Variants in ZNF331 observed in about 807,000 individuals in gnomAD.
The protein encoded by ZNF331 is zinc finger protein 331.
In ZNF331, 2 loss-of-function variants were observed where a neutral mutation model predicts 7.0. The ratio of observed to expected loss-of-function variants is 0.29; its 90% CI spans 0.12 to 0.90. The LOEUF is 0.90. ZNF331 is among the 40% of genes least tolerant of loss of function. The pLI is 0.58. For synonymous variants in ZNF331, 196 were observed against 205.4 expected (o/e 0.95, Z 0.39); for missense variants, 432 against 587.7 (o/e 0.74, Z 2.74).
At chr19:53,506,794 C>T in the ZNF331 span, among the ~76,000 whole-genome samples, 7 of 152,134 alleles carry the variant, frequency 4.6e-5, no homozygotes, top group African/African-American at 1.4e-4. Flanking sequence ...TTTTGGGCTT[C>T]GTGTCCCTAT....
In ZNF331 at chr19:53,577,151, A is replaced by T. The variant is rs764121342; in HGVS notation, c.591A>T (p.Arg197=). The T allele has an allele frequency of 6.2e-7, 1 of 1,607,816 alleles. No individual in the cohort carries two copies. Among genetic ancestry groups the T allele is most frequent in the South Asian group, 1.1e-5 (1 of 90,784 alleles). The part of the protein sequence containing the change: ...YECKDCGKAF[R]WGSSLVIHKR... ...GTAAAGACTGTGGGAAGGCTTTTCG[A>T]TGGGGCTCAAGCCTCGTTATTCATA... is the stretch of plus-strand genomic sequence containing the variant. The change falls in exon 6 of 6, where the codon CGA becomes CGT. Residue 197 remains arginine (R), a synonymous_variant. Coordinates refer to ENST00000449416, the MANE Select transcript of ZNF331 (RefSeq NM_001079906.2).
At chr19:53,508,346 C>T in the ZNF331 span, among the ~76,000 whole-genome samples, 1 of 152,134 alleles carries the variant, frequency 6.6e-6, no homozygotes, top group African/African-American at 2.4e-5. Context: ...ACCACGTGAC[C>T]CTTGAAACTC....
chr19:53,557,262 C>G (rs1379758977), intron 3 of ZNF331, among the ~76,000 whole-genome samples: 1 of 152,122 alleles, frequency 6.6e-6, no homozygotes, highest in Non-Finnish European at 1.5e-5. Flanking sequence ...CCGGCCACAG[C>G]AAGCATTTAT....
rs2090867936 is a variant in ZNF331, at chr19:53,580,067, A to C, written c.*2115A>C. The stretch of plus-strand genomic sequence containing the variant: ...CTCTAGACAGTCACCAGGATGATTA[A>C]ATTTAAATCACAATAACAAGGCTGA... On this transcript the variant is annotated 3_prime_UTR_variant, in exon 6 of 6. Coordinates refer to ENST00000449416, the MANE Select transcript of ZNF331 (RefSeq NM_001079906.2). The C allele has an allele frequency of 4.7e-6, 1 of 211,058 alleles. No individual in the cohort carries two copies. Among genetic ancestry groups the C allele is most frequent in the Non-Finnish European group, 9.6e-6 (1 of 104,254 alleles). 13.1% of individuals were successfully genotyped at this position (211,058 alleles called of 1,614,324 possible).
At position 53,571,434 on chromosome 19, in the gene ZNF331, G is replaced by C. The variant is rs538484701; in HGVS notation, c.10-170G>C. On this transcript the variant is annotated intron_variant, in intron 4 of 5. Coordinates refer to ENST00000449416, the MANE Select transcript of ZNF331 (RefSeq NM_001079906.2). The surrounding 1 kb of genome is among the most constrained non-coding windows in gnomAD (Gnocchi z 4.7). ...GGTAGAGCTCTTCAGTGACATGCAGGCATTCTGCTTCCGTCACAGTTACAG... is the reference window on the plus strand; with the variant it reads ...GGTAGAGCTCTTCAGTGACATGCAGCCATTCTGCTTCCGTCACAGTTACAG... 8.3e-4 allele frequency among the ~76,000 whole-genome samples: 127 copies of C among 152,232 alleles called. No homozygotes were observed. Among genetic ancestry groups the C allele is most frequent in the African/African-American group, 2.7e-3 (112 of 41,570 alleles).
At position 53,542,525 on chromosome 19, in the gene ZNF331, T is replaced by C. The variant is rs115472138; in HGVS notation, c.-138+3243T>C. ...AAAAGAATTAGATGACAGTATCTCATATGTATCTCCCTTATCCCGTGGAAC... is the reference window on the plus strand; with the variant it reads ...AAAAGAATTAGATGACAGTATCTCACATGTATCTCCCTTATCCCGTGGAAC... On this transcript the variant is annotated intron_variant, in intron 2 of 5. Coordinates refer to ENST00000449416, the MANE Select transcript of ZNF331 (RefSeq NM_001079906.2). 2.3e-3 allele frequency among the ~76,000 whole-genome samples: 357 copies of C among 152,336 alleles called. 1 individual carries two copies. Among genetic ancestry groups the C allele is most frequent in the African/African-American group, 8.3e-3 (344 of 41,576 alleles).
intron 4 of ZNF331, among the ~76,000 whole-genome samples, chr19:53,570,923 C>A (rs1321425598): frequency 2.0e-5 from 3 of 149,508 alleles, no homozygotes; most frequent in Admixed American, 1.3e-4. Context: ...GTGCCACAAT[C>A]TCCGCTCACT....
the ZNF331 span, among the ~76,000 whole-genome samples, chr19:53,508,382 G>T: frequency 6.6e-6 from 1 of 151,990 alleles, no homozygotes; most frequent in African/African-American, 2.4e-5. Context: ...TAGACTTTTG[G>T]GACCATTTTC....
At chr19:53,551,593 T>C (rs2089012796) in intron 2 of ZNF331, among the ~76,000 whole-genome samples, 1 of 152,040 alleles carries the variant, frequency 6.6e-6, no homozygotes, top group South Asian at 2.1e-4. Context: ...AAAAATATAG[T>C]GCACCCTTGG....
rs1392642402 is a variant in ZNF331, at chr19:53,580,080, A to G, written c.*2128A>G. 1 of 211,282 alleles carries G rather than the reference A, an allele frequency of 4.7e-6. No homozygotes were observed. The highest frequency in any genetic ancestry group is 9.6e-6 in the Non-Finnish European group (1 of 104,330). 13.1% of individuals were successfully genotyped at this position (211,282 alleles called of 1,614,324 possible). On this transcript the variant is annotated 3_prime_UTR_variant, in exon 6 of 6. Transcript: ENST00000449416. ...CCAGGATGATTAAATTTAAATCACA[A>G]TAACAAGGCTGATTTCAGATGTCTC... is the stretch of plus-strand genomic sequence containing the variant.
At chr19:53,518,234 C>G (rs1022374760), upstream of ZNF331, among the ~76,000 whole-genome samples, 2 of 152,172 alleles carry the variant, frequency 1.3e-5, no homozygotes, top group African/African-American at 4.8e-5. Context: ...TTCTCCTGCC[C>G]TTGGACATCA....
At chr19:53,514,124 C>T in the ZNF331 span, among the ~76,000 whole-genome samples, 201 of 152,254 alleles carry the variant, frequency 1.3e-3, no homozygotes, top group Middle Eastern at 3.4e-3. Flanking sequence ...TTCCATGTGT[C>T]TGTATCCAGG....
rs2090821120 is a variant in ZNF331 at position 53,578,598 on chromosome 19, T to C, written c.*646T>C. On this transcript the variant is annotated 3_prime_UTR_variant, in exon 6 of 6. Coordinates refer to ENST00000449416, the MANE Select transcript of ZNF331 (RefSeq NM_001079906.2). ...ACAGGAAAAAATGTAGTATATAGTATCGTATATATGTACAGGAAAAAAACG... is the reference window on the plus strand; with the variant it reads ...ACAGGAAAAAATGTAGTATATAGTACCGTATATATGTACAGGAAAAAAACG... The C allele has an allele frequency of 4.8e-6, 1 of 208,092 alleles. No homozygotes were observed. The highest frequency in any genetic ancestry group is 9.8e-6 in the Non-Finnish European group (1 of 102,348). The allele number at this position is 208,092 out of a possible 1,614,324, so 12.9% of individuals were successfully genotyped here.
At chr19:53,506,071 A>C in the ZNF331 span, among the ~76,000 whole-genome samples, 1 of 149,744 alleles carries the variant, frequency 6.7e-6, no homozygotes, top group Non-Finnish European at 1.5e-5. Flanking sequence ...TGCAGTGGCT[A>C]GTGCCTGTAA....
intron 2 of ZNF331, among the ~76,000 whole-genome samples, chr19:53,528,972 A>G (rs2087418921): frequency 6.6e-6 from 1 of 151,988 alleles, no homozygotes; most frequent in Non-Finnish European, 1.5e-5. Flanking sequence ...TTTTTAGTAG[A>G]GACGAGGTTT....
At chr19:53,515,788 T>C (rs2086892216), upstream of ZNF331, among the ~76,000 whole-genome samples, 1 of 152,206 alleles carries the variant, frequency 6.6e-6, no homozygotes, top group African/African-American at 2.4e-5. Flanking sequence ...TGAGCCACTG[T>C]GCCTGGCTGC....
intron 2 of ZNF331, among the ~76,000 whole-genome samples, chr19:53,544,133 A>T (rs2088386924): frequency 6.6e-6 from 1 of 151,606 alleles, no homozygotes; most frequent in Non-Finnish European, 1.5e-5. Context: ...AGGCTGAGGC[A>T]GGAGAATCGC....
In ZNF331 at chr19:53,540,624, G is replaced by C. The variant is rs145592976; in HGVS notation, c.-138+1342G>C. The stretch of plus-strand genomic sequence containing the variant: ...ATTTTTGTATTTTTAGTGGAAACAG[G>C]GTTTCTCCTTGTTGATCAGGCTGGT... On this transcript the variant is annotated intron_variant, in intron 2 of 5. Coordinates refer to ENST00000449416, the MANE Select transcript of ZNF331 (RefSeq NM_001079906.2). 5.8e-3 allele frequency among the ~76,000 whole-genome samples: 879 copies of C among 152,182 alleles called. 8 individuals are homozygous for C. Among genetic ancestry groups the C allele is most frequent in the African/African-American group, 0.02 (832 of 41,518 alleles).
intron 3 of ZNF331, among the ~76,000 whole-genome samples, chr19:53,564,102 G>GAGT (rs2090042747): frequency 8.9e-6 from 1 of 112,294 alleles, no homozygotes; most frequent in Admixed American, 1.1e-4. Context: ...TTTTGAGACA[G>GAGT]AGTCTCACTC....
Sources: gnomAD v4.1 joint callset for allele counts (sites outside exome capture counted in the v4.1 genomes callset) on GRCh38, gnomAD v4.1.1 for gene constraint, Gnocchi (gnomAD v3.1) non-coding constraint, MANE v1.5 for transcripts, NCBI Gene and HGNC (gene_info 2026-07-23, HGNC 2026-07-21) for gene names.